PLEKHA6: variants seen among roughly 807,000 people sequenced by gnomAD.
The protein encoded by PLEKHA6 is pleckstrin homology domain-containing family A member 6.
In PLEKHA6, 60 loss-of-function variants were observed where a neutral mutation model predicts 116.7. The ratio of observed to expected loss-of-function variants is 0.51; its 90% CI spans 0.42 to 0.64. The LOEUF (loss-of-function observed/expected upper bound fraction) is 0.64. Ranked by LOEUF, PLEKHA6 falls within the 30% of genes least tolerant of loss-of-function variation. The pLI, the probability that PLEKHA6 is intolerant of heterozygous loss-of-function variation, is 0.00. For missense variants in PLEKHA6, 1,338 were observed against 1,422.7 expected (o/e 0.94, Z 0.96); for synonymous variants, 489 against 556.1 (o/e 0.88, Z 1.70).
Position 204,261,965 on chromosome 1 carries a change from TG to T in PLEKHA6, c.382-518del, listed in dbSNP as rs1558092881. 1 of 162,522 alleles carries T rather than the reference TG, an allele frequency of 6.2e-6. No homozygotes were observed. The allele number at this position is 162,522 out of a possible 1,614,324, so 10.1% of individuals were successfully genotyped here. ...ATACAGATGGGGCACACTACCTAGT[TG>T]GTGGCTGCGAGCAGGTACTGCGGGC... On this transcript the variant is annotated intron_variant, in intron 6 of 22. Coordinates refer to ENST00000272203, the MANE Select transcript of PLEKHA6 (RefSeq NM_014935.5). The surrounding 1 kb of genome is among the most constrained non-coding windows in gnomAD (Gnocchi z 4.0).
chr1:204,306,876 C>G (rs562387692), intron 1 of PLEKHA6, among the ~76,000 whole-genome samples: 1 of 152,292 alleles, frequency 6.6e-6, no homozygotes, highest in Non-Finnish European at 1.5e-5. Flanking sequence ...CTACAAAATC[C>G]AGGGCTTACC....
Position 204,241,440 on chromosome 1 carries a change from C to A in PLEKHA6, c.2344G>T (p.Glu782Ter), listed in dbSNP as rs1662797596. 1 of 1,610,226 alleles carries A rather than the reference C, an allele frequency of 6.2e-7. No homozygotes were observed. The highest frequency in any genetic ancestry group is 8.5e-7 in the Non-Finnish European group (1 of 1,178,474). ...CTTACCACTGCTGATGGGGTCACCT[C>A]ATCATCAGTGGGCGATTTTGTCCGA... ...PPRTKSPTDD[E>*]VTPSAVVRRN... is the part of the protein sequence containing the mutation. Residue 782 changes from glutamate to a stop codon, truncating the protein, a stop_gained, in exon 17 of 23, where the codon GAG (glutamate) becomes TAG (stop). Transcript: ENST00000272203. LOFTEE classifies it high-confidence loss of function.
chr1:204,310,517 T>G (rs1671618346), intron 1 of PLEKHA6, among the ~76,000 whole-genome samples: 1 of 152,224 alleles, frequency 6.6e-6, no homozygotes, highest in African/African-American at 2.4e-5. Context: ...CCCGCATTCC[T>G]ACTACTGTCT....
At chr1:204,235,845 C>A (rs927109095) in intron 17 of PLEKHA6, among the ~76,000 whole-genome samples, 1 of 152,162 alleles carries the variant, frequency 6.6e-6, no homozygotes, top group African/African-American at 2.4e-5. Context: ...GCCTTTCCAC[C>A]TTTGTCTGAG....
Position 204,259,685 on chromosome 1 carries a change from G to C in PLEKHA6, c.580C>G (p.Pro194Ala), listed in dbSNP as rs1259853839. Residue 194 changes from proline (P) to alanine (A), a missense_variant, in exon 8 of 23, where the codon CCC becomes GCC. Transcript: ENST00000272203. The surrounding 1 kb of genome is among the most constrained non-coding windows in gnomAD (Gnocchi z 4.6). ...TCAGGCTTAGGGAGGCTGTTGTGGG[G>C]TGGCTGCTGGTGGTGCTTGCTGGGT... ...VPPSKHHQQP[P>A]HNSLPKPEPE... 2 of 1,613,836 alleles carry C rather than the reference G, an allele frequency of 1.2e-6. No individual in the cohort carries two copies. The highest frequency in any genetic ancestry group is 2.7e-5 in the African/African-American group (2 of 74,932).
chr1:204,268,395 C>T (rs1287042262), intron 3 of PLEKHA6, 83 bp from the exon 4 acceptor site: 9 of 906,652 alleles, frequency 9.9e-6, no homozygotes, highest in Non-Finnish European at 1.5e-5. Context: ...CCTGCTAGAG[C>T]TGCTTCTCCC....
At position 204,355,169 on chromosome 1, in the gene PLEKHA6, C is replaced by G. The variant is rs145206187; in HGVS notation, c.-95+4525G>C. ...CTTGGAGGGAGAGAGACGATTATAC[C>G]TGTCTTCAGATATCTATGTTTCTCA... On this transcript the variant is annotated intron_variant, in intron 1 of 22. Coordinates refer to ENST00000272203, the MANE Select transcript of PLEKHA6 (RefSeq NM_014935.5). 1.3e-3 allele frequency among the ~76,000 whole-genome samples: 197 copies of G among 152,330 alleles called. 1 individual carries two copies. The highest frequency in any genetic ancestry group is 4.4e-3 in the African/African-American group (182 of 41,562).
chr1:204,274,899 G>A, intron 1 of PLEKHA6, 90 bp from the exon 2 acceptor site: 1 of 981,832 alleles, frequency 1.0e-6, no homozygotes, highest in Non-Finnish European at 1.2e-6. Flanking sequence ...TGGTGACAGG[G>A]ACAGGTGATC....
At chr1:204,281,008 G>A (rs1668535658) in intron 1 of PLEKHA6, 1 of 984,658 alleles carries the variant, frequency 1.0e-6, no homozygotes, top group Non-Finnish European at 1.2e-6. Context: ...GTATTTGCAG[G>A]TGGGAAGGAA....
chr1:204,224,533 T>A (rs887899007), intron 21 of PLEKHA6, among the ~76,000 whole-genome samples: 3 of 151,740 alleles, frequency 2.0e-5, no homozygotes, highest in African/African-American at 7.3e-5. Flanking sequence ...TTCCCTGCCG[T>A]CTGTGCAAGA....
At chr1:204,229,179 G>A (rs541381367) in intron 18 of PLEKHA6, 75 bp from the exon 19 acceptor site, 11 of 1,447,280 alleles carry the variant, frequency 7.6e-6, no homozygotes, top group African/African-American at 4.2e-5. Context: ...CCCTGTCCTC[G>A]CTTTCCCTTC....
At chr1:204,226,026 AC>A (rs1660314154) in intron 21 of PLEKHA6, among the ~76,000 whole-genome samples, 1 of 152,196 alleles carries the variant, frequency 6.6e-6, no homozygotes, top group Non-Finnish European at 1.5e-5. Flanking sequence ...ACACGCGGGC[AC>A]TGAACTCTAC....
intron 1 of PLEKHA6, chr1:204,325,955 A>G (rs1252747485): frequency 3.1e-6 from 3 of 978,756 alleles, no homozygotes; most frequent in African/African-American, 1.8e-5. Context: ...GGCTGAACAC[A>G]AAAGGGGCAG....
intron 1 of PLEKHA6, among the ~76,000 whole-genome samples, chr1:204,288,945 C>T (rs924233468): frequency 1.3e-5 from 2 of 152,112 alleles, no homozygotes; most frequent in Non-Finnish European, 2.9e-5. Flanking sequence ...AGGATACAGA[C>T]GGAAGGTGAG....
intron 1 of PLEKHA6, among the ~76,000 whole-genome samples, chr1:204,290,410 A>G (rs565979398): frequency 6.6e-6 from 1 of 152,380 alleles, no homozygotes; most frequent in African/African-American, 2.4e-5. Flanking sequence ...TGACAAAGGT[A>G]TAAAGTCAAT....
Position 204,244,899 on chromosome 1 carries a change from A to G in PLEKHA6, c.2137T>C (p.Ser713Pro). The G allele has an allele frequency of 6.4e-7, 1 of 1,557,626 alleles. No individual in the cohort carries two copies. Among genetic ancestry groups the G allele is most frequent in the South Asian group, 1.2e-5 (1 of 84,730 alleles). ...PLSPFSLVSG[S>P]QGSPTKPGSN... ...CCAGGCTTGGTGGGGGACCCCTGAG[A>G]GCCCGACACCAGTGAAAAGGGGCTC... Residue 713 changes from serine (S) to proline (P), a missense_variant, in exon 15 of 23, where the codon TCT becomes CCT. Coordinates refer to ENST00000272203, the MANE Select transcript of PLEKHA6 (RefSeq NM_014935.5).
chr1:204,365,613 G>T (rs1039891374), intron 3 of PLEKHA6, among the ~76,000 whole-genome samples: 3 of 152,178 alleles, frequency 2.0e-5, no homozygotes, highest in African/African-American at 4.8e-5. Flanking sequence ...GAAAGCTCTG[G>T]GCTGGTAGCT....
Position 204,257,484 on chromosome 1 carries a change from A to G in PLEKHA6, c.1393T>C (p.Tyr465His). The change falls in exon 9 of 23, where the codon TAC becomes CAC. Residue 465 changes from tyrosine (Y) to histidine (H), a missense_variant. This residue lies in a region of PLEKHA6 where 1,136 missense variants were observed against 1,163.6 expected (regional missense o/e 0.98). Transcript: ENST00000272203. This position sits in a 1 kb window ranked among gnomAD's most constrained non-coding sequence, Gnocchi z 6.5. ...SVPRSPSQGSYSRARIYSPVR... is the reference protein window; with the variant it reads ...SVPRSPSQGSHSRARIYSPVR... ...GGGGAGTAAATGCGGGCACGGCTGTAGGAGCCCTGGCTGGGTGAGCGGGGC... is the reference window on the plus strand; with the variant it reads ...GGGGAGTAAATGCGGGCACGGCTGTGGGAGCCCTGGCTGGGTGAGCGGGGC... 6.3e-7 allele frequency: 1 copy of G among 1,580,720 alleles called. No homozygotes were observed.
intron 17 of PLEKHA6, among the ~76,000 whole-genome samples, chr1:204,236,359 TG>T (rs1242453707): frequency 9.2e-5 from 14 of 152,174 alleles, no homozygotes; most frequent in African/African-American, 2.9e-4. Context: ...TCAGGGAGAC[TG>T]GGATGGTGGA....
Sources: gnomAD v4.1 joint callset for allele counts (sites outside exome capture counted in the v4.1 genomes callset) on GRCh38, gnomAD v4.1.1 for gene constraint, gnomAD v4.1.1 regional missense constraint, Gnocchi (gnomAD v3.1) non-coding constraint, MANE v1.5 for transcripts, NCBI Gene and HGNC (gene_info 2026-07-23, HGNC 2026-07-21) for gene names.